SELENOT: variants seen among roughly 807,000 people sequenced by gnomAD.
The protein encoded by SELENOT is thioredoxin reductase-like selenoprotein T.
A neutral mutation model predicts 24.3 loss-of-function variants in SELENOT; 9 were observed. That is an observed-to-expected ratio of 0.37 (90% CI 0.22 to 0.65). SELENOT has a LOEUF of 0.65. SELENOT is among the 30% of genes least tolerant of loss of function. The pLI is 0.60. For missense variants in SELENOT, 166 were observed against 247.6 expected (o/e 0.67, Z 2.21); for synonymous variants, 81 against 86.0 (o/e 0.94, Z 0.32).
intron 1 of SELENOT, among the ~76,000 whole-genome samples, chr3:150,614,803 A>G (rs1449517409): frequency 1.3e-5 from 2 of 151,856 alleles, no homozygotes; most frequent in South Asian, 2.1e-4. Flanking sequence ...AAATACTTCT[A>G]TAAAACATTT....
intron 1 of SELENOT, among the ~76,000 whole-genome samples, chr3:150,616,646 A>T (rs902952096): frequency 2.2e-4 from 34 of 152,346 alleles, no homozygotes; most frequent in Middle Eastern, 3.4e-3. Flanking sequence ...CAAAACCACA[A>T]TGAGATACCA....
In SELENOT at chr3:150,626,647, A is replaced by C. The variant is rs555952429; in HGVS notation, c.464-363A>C. On this transcript the variant is annotated intron_variant, in intron 4 of 5. Transcript: ENST00000471696. ...TCTTTACATTTCTGTTCTCTCCCTC[A>C]AAGGTTTTCTACTCTCATGAATCCC... 2.0e-3 allele frequency among the ~76,000 whole-genome samples: 308 copies of C among 152,158 alleles called. 1 individual carries two copies. The highest frequency in any genetic ancestry group is 3.7e-3 in the Non-Finnish European group (250 of 68,014).
In SELENOT at chr3:150,623,074, C is replaced by G. The variant is rs1439898640; in HGVS notation, c.280C>G (p.Leu94Val). 4.4e-6 allele frequency: 7 copies of G among 1,589,878 alleles called. No homozygotes were observed. Among genetic ancestry groups the G allele is most frequent in the Non-Finnish European group, 5.1e-6 (6 of 1,169,190 alleles). The change falls in exon 3 of 6, where the codon CTA becomes GTA. Residue 94 changes from leucine to valine, a missense_variant. By Grantham distance (32) the Leu-to-Val change is conservative (BLOSUM62 1). Coordinates refer to ENST00000471696, the MANE Select transcript of SELENOT (RefSeq NM_016275.5). ...HIASFLSVFK[L>V]VLIGLIIVGK... ...AGCATCTTTCCTGTCAGTCTTCAAA[C>G]TAGTATTAATAGGCTTAATAATTGT...
chr3:150,616,955 T>C (rs1465402308), intron 1 of SELENOT, among the ~76,000 whole-genome samples: 1 of 152,198 alleles, frequency 6.6e-6, no homozygotes, highest in East Asian at 1.9e-4. Context: ...AAGTGAGAAA[T>C]GGTTTTACAC....
rs919681329 is a variant in SELENOT at position 150,609,476 on chromosome 3, A to C, written c.137+5977A>C. Among the ~76,000 whole-genome samples, 4 of 152,218 alleles carry C rather than the reference A, an allele frequency of 2.6e-5. 1 individual carries two copies. Reference sequence around the variant, plus strand: ...GTCATTCTCCCACCTCAGCCTCCCAAGTAGCTGAGATTACAGGCGCGCACT... The same window carrying C: ...GTCATTCTCCCACCTCAGCCTCCCACGTAGCTGAGATTACAGGCGCGCACT... On this transcript the variant is annotated intron_variant, in intron 1 of 5. Transcript: ENST00000471696.
intron 4 of SELENOT, 33 bp from the exon 5 acceptor site, chr3:150,626,977 T>A: frequency 6.2e-7 from 1 of 1,600,684 alleles, no homozygotes; most frequent in South Asian, 1.1e-5. Context: ...TCATCTTTAA[T>A]TTTTTGGGGG....
chr3:150,609,425 T>C (rs1726035816), intron 1 of SELENOT, among the ~76,000 whole-genome samples: 1 of 152,118 alleles, frequency 6.6e-6, no homozygotes, highest in East Asian at 1.9e-4. Flanking sequence ...TCATTGCTCA[T>C]TGTAGCCTCG....
intron 1 of SELENOT, among the ~76,000 whole-genome samples, chr3:150,613,844 A>AG (rs1346434754): frequency 6.6e-6 from 1 of 152,072 alleles, no homozygotes; most frequent in Non-Finnish European, 1.5e-5. Context: ...TTTGCAAGAT[A>AG]GCTCTTCTGC....
At chr3:150,606,243 G>A (rs1725960148) in intron 1 of SELENOT, among the ~76,000 whole-genome samples, 1 of 148,784 alleles carries the variant, frequency 6.7e-6, no homozygotes, top group Non-Finnish European at 1.5e-5. Flanking sequence ...CCTGAGTTCC[G>A]ATAATCCTCC....
At chr3:150,624,605 A>T (rs1330979059) in intron 3 of SELENOT, among the ~76,000 whole-genome samples, 1 of 152,084 alleles carries the variant, frequency 6.6e-6, no homozygotes, top group Non-Finnish European at 1.5e-5. Context: ...GAAATCTCTC[A>T]AATTCTGTGT....
At chr3:150,611,248 C>T in intron 1 of SELENOT, 1 of 1,179,890 alleles carries the variant, frequency 8.5e-7, no homozygotes, top group Non-Finnish European at 1.2e-6. Flanking sequence ...TTTTTAGTCT[C>T]AATTCCACAT....
chr3:150,620,558 T>C (rs997233622), intron 1 of SELENOT, among the ~76,000 whole-genome samples: 1 of 152,184 alleles, frequency 6.6e-6, no homozygotes, highest in African/African-American at 2.4e-5. Context: ...TCAGTAAATA[T>C]TTGAGTGAGT....
At chr3:150,609,290 T>C (rs958073993) in intron 1 of SELENOT, among the ~76,000 whole-genome samples, 3 of 152,216 alleles carry the variant, frequency 2.0e-5, no homozygotes, top group African/African-American at 7.2e-5. Context: ...TCTGTGCTAC[T>C]GCTAGTCCTT....
chr3:150,616,829 C>G (rs1487710756), intron 1 of SELENOT, among the ~76,000 whole-genome samples: 1 of 152,202 alleles, frequency 6.6e-6, no homozygotes, highest in Admixed American at 6.5e-5. Flanking sequence ...CTTGTAGAGA[C>G]GAGGTTTTAC....
At chr3:150,618,644 C>G (rs1031197279) in intron 1 of SELENOT, 3 of 154,168 alleles carry the variant, frequency 1.9e-5, no homozygotes, top group Non-Finnish European at 2.9e-5. Flanking sequence ...ACCTCAGCCT[C>G]CCCAGTAGCT....
At chr3:150,610,266 CCTTTT>C (rs1279717845) in intron 1 of SELENOT, among the ~76,000 whole-genome samples, 1 of 152,106 alleles carries the variant, frequency 6.6e-6, no homozygotes, top group African/African-American at 2.4e-5. Flanking sequence ...ATAAAGGTAC[CCTTTT>C]CTTTTCATTT....
rs1463475885 is a variant in SELENOT at position 150,628,628 on chromosome 3, A to G, written c.*999A>G. The G allele has an allele frequency of 6.6e-6, 1 of 152,192 alleles. No homozygotes were observed. 9.4% of individuals were successfully genotyped at this position (152,192 alleles called of 1,614,324 possible). On this transcript the variant is annotated 3_prime_UTR_variant, in exon 6 of 6. Transcript: ENST00000471696. ...TGACTAATAATTTGTCTAACATCATATATCAGAATTTTATTGTATATGATG... is the reference window on the plus strand; with the variant it reads ...TGACTAATAATTTGTCTAACATCATGTATCAGAATTTTATTGTATATGATG...
At chr3:150,611,802 C>T in intron 1 of SELENOT, 1 of 1,034,078 alleles carries the variant, frequency 9.7e-7, no homozygotes, top group South Asian at 1.4e-5. Flanking sequence ...GCCCCGATTT[C>T]CCGGACGAGG....
At chr3:150,615,516 C>T (rs541201263) in intron 1 of SELENOT, among the ~76,000 whole-genome samples, 1 of 152,300 alleles carries the variant, frequency 6.6e-6, no homozygotes, top group African/African-American at 2.4e-5. Context: ...TCCACATCCT[C>T]TCCAGCACCT....
Sources: allele counts gnomAD v4.1 joint callset (sites outside exome capture counted in the v4.1 genomes callset), GRCh38; gene constraint gnomAD v4.1.1; transcripts MANE v1.5; gene names NCBI Gene and HGNC (gene_info 2026-07-23, HGNC 2026-07-21).